The following GMPS variants were observed in gnomAD, a reference collection of about 807,000 sequenced individuals.
The protein encoded by GMPS is GMP synthase [glutamine-hydrolyzing].
A neutral mutation model predicts 77.9 loss-of-function variants in GMPS; 15 were observed. That is an observed-to-expected ratio of 0.19 (90% CI 0.13 to 0.30). The LOEUF is 0.30. Among genes scored for constraint, GMPS ranks in the 10% least tolerant of loss-of-function variants. The pLI, the probability that GMPS is intolerant of heterozygous loss-of-function variation, is 1.00. For synonymous variants in GMPS, 224 were observed against 275.9 expected (o/e 0.81, Z 1.86); for missense variants, 590 against 838.8 (o/e 0.70, Z 3.66).
chr3:155,903,845 A>AT lies in GMPS; in HGVS notation c.325-11dup. On this transcript the variant is annotated splice_polypyrimidine_tract_variant and intron_variant, in intron 3 of 15. Transcript: ENST00000496455. The stretch of plus-strand genomic sequence containing the variant: ...TTTCTTTTGATTTCTATTAACATTA[A>AT]TTTTTTTCTTTGAACAGATGATGAA... The AT allele has an allele frequency of 1.8e-6, 2 of 1,121,286 alleles. No individual in the cohort carries two copies. Among genetic ancestry groups the AT allele is most frequent in the South Asian group, 1.5e-5 (1 of 64,606 alleles). The allele number at this position is 1,121,286 out of a possible 1,614,324, so 69.5% of individuals were successfully genotyped here. A position where few individuals can be genotyped will look rare whatever the true frequency, so the allele number is the denominator to read the frequency against.
At chr3:155,933,707 ATTTAT>A (rs1755689096) in intron 13 of GMPS, among the ~76,000 whole-genome samples, 1 of 152,120 alleles carries the variant, frequency 6.6e-6, no homozygotes, top group African/African-American at 2.4e-5. Context: ...TTCCGGGGAG[ATTTAT>A]TTTCTTTGCT....
intron 13 of GMPS, 120 bp downstream of exon 13, chr3:155,932,000 A>C (rs921945937): frequency 7.8e-6 from 4 of 511,890 alleles, no homozygotes; most frequent in African/African-American, 5.8e-5. Context: ...CATGTAGATA[A>C]GAGTAAATGG....
In GMPS at chr3:155,911,161, A is replaced by G; in HGVS notation, c.768A>G (p.Leu256=). 7.4e-6 allele frequency: 12 copies of G among 1,613,124 alleles called. No homozygotes were observed. Among genetic ancestry groups the G allele is most frequent in the Non-Finnish European group, 1.0e-5 (12 of 1,179,188 alleles). ...ACTCAACAGTTTGTACAGCTTTGCT[A>G]AATCGTGCTTTGAACCAAGAACAAG... ...GVDSTVCTAL[L]NRALNQEQVI... is the part of the protein sequence containing the mutation. Residue 256 remains leucine (L), a synonymous_variant, in exon 7 of 16, where the codon CTA becomes CTG. Transcript: ENST00000496455.
intron 7 of GMPS, among the ~76,000 whole-genome samples, chr3:155,913,295 G>A (rs1429343486): frequency 1.3e-5 from 2 of 152,140 alleles, no homozygotes; most frequent in Non-Finnish European, 2.9e-5. Flanking sequence ...AGTTTTATTA[G>A]CAAATAGAGA....
In GMPS at chr3:155,941,758, G is replaced by A. The variant is rs1755897918; in HGVS notation, c.*4066G>A. 4.5e-6 allele frequency: 1 copy of A among 220,622 alleles called. No individual in the cohort carries two copies. The highest frequency in any genetic ancestry group is 9.1e-6 in the Non-Finnish European group (1 of 110,090). The allele number at this position is 220,622 out of a possible 1,614,324, so 13.7% of individuals were successfully genotyped here. A position where few individuals can be genotyped will look rare whatever the true frequency, so the allele number is the denominator to read the frequency against. On this transcript the variant is annotated 3_prime_UTR_variant, in exon 16 of 16. Transcript: ENST00000496455. Reference sequence around the variant, plus strand: ...TAGTTTAACACCACCAGATGATCAAGGGATCAGGGTATCTTTCTGGTATCT... The same window carrying A: ...TAGTTTAACACCACCAGATGATCAAAGGATCAGGGTATCTTTCTGGTATCT...
chr3:155,891,044 T>G (rs1754451145), intron 1 of GMPS, among the ~76,000 whole-genome samples: 1 of 152,254 alleles, frequency 6.6e-6, no homozygotes, highest in African/African-American at 2.4e-5. Flanking sequence ...GATTGGTCAC[T>G]GATCCTGATG....
intron 1 of GMPS, among the ~76,000 whole-genome samples, chr3:155,872,101 A>C (rs945663313): frequency 6.6e-6 from 1 of 152,138 alleles, no homozygotes; most frequent in African/African-American, 2.4e-5. Context: ...TTCGAGGTGG[A>C]TTTGGTGCTC....
intron 1 of GMPS, among the ~76,000 whole-genome samples, chr3:155,881,955 C>T (rs1360478288): frequency 3.9e-5 from 6 of 152,076 alleles, no homozygotes; most frequent in African/African-American, 1.4e-4. Context: ...GTGGTCCCAG[C>T]CACCTGGGAG....
chr3:155,926,328 C>T (rs1266677170), intron 12 of GMPS, among the ~76,000 whole-genome samples: 2 of 152,110 alleles, frequency 1.3e-5, no homozygotes, highest in African/African-American at 4.8e-5. Context: ...ATATGATCCT[C>T]AAATGAGTTT....
chr3:155,936,229 G>C lies in GMPS; in HGVS notation c.1808-109G>C. 4.3e-6 allele frequency: 3 copies of C among 697,920 alleles called. No homozygotes were observed. The South Asian group carries it at 5.2e-5, about 12-fold the overall frequency. The allele number at this position is 697,920 out of a possible 1,614,324, so 43.2% of individuals were successfully genotyped here. On this transcript the variant is annotated intron_variant, in intron 14 of 15. Transcript: ENST00000496455. ...AATGCATGATGACAGTCTTAACTAC[G>C]CTGTGTGTGTATATGTGATTTCAGA...
In GMPS at chr3:155,940,831, C is replaced by T. The variant is rs1235488506; in HGVS notation, c.*3139C>T. On this transcript the variant is annotated 3_prime_UTR_variant, in exon 16 of 16. Transcript: ENST00000496455. Reference sequence around the variant, plus strand: ...CACCGTAAAGTTAAATCCTAGTTACCTTTTTTTGAAGCTGTTGGCAAGGTT... The same window carrying T: ...CACCGTAAAGTTAAATCCTAGTTACTTTTTTTTGAAGCTGTTGGCAAGGTT... 1 of 213,070 alleles carries T rather than the reference C, an allele frequency of 4.7e-6. No individual in the cohort carries two copies. The highest frequency in any genetic ancestry group is 9.5e-6 in the Non-Finnish European group (1 of 105,818). 13.2% of individuals were successfully genotyped at this position (213,070 alleles called of 1,614,324 possible).
chr3:155,879,481 G>A (rs1754156120), intron 1 of GMPS, among the ~76,000 whole-genome samples: 1 of 151,674 alleles, frequency 6.6e-6, no homozygotes, highest in South Asian at 2.1e-4. Flanking sequence ...TGGTCAGGCT[G>A]GCCTCGAACT....
intron 2 of GMPS, among the ~76,000 whole-genome samples, chr3:155,896,652 C>T (rs1432247017): frequency 3.3e-5 from 5 of 150,548 alleles, no homozygotes; most frequent in African/African-American, 4.9e-5. Flanking sequence ...AGCTCCTGGG[C>T]TCAAGCAATC....
chr3:155,906,042 C>CTT (rs67122310), intron 4 of GMPS, 118 bp from the exon 5 acceptor site: 2,195 of 443,570 alleles, frequency 4.9e-3, no homozygotes, highest in South Asian at 7.9e-3. Context: ...TCCATTGTCA[C>CTT]TTTTTTTTTT....
At chr3:155,884,950 A>G (rs1754302306) in intron 1 of GMPS, among the ~76,000 whole-genome samples, 2 of 152,228 alleles carry the variant, frequency 1.3e-5, no homozygotes, top group African/African-American at 2.4e-5. Context: ...CCTTGTAGAT[A>G]GGGTAGAAGA....
At chr3:155,901,484 A>T (rs1754736022) in intron 3 of GMPS, among the ~76,000 whole-genome samples, 1 of 152,014 alleles carries the variant, frequency 6.6e-6, no homozygotes, top group Non-Finnish European at 1.5e-5. Context: ...TTCTGGTGTT[A>T]TACATACACA....
intron 7 of GMPS, among the ~76,000 whole-genome samples, chr3:155,911,682 A>C (rs1755041260): frequency 6.6e-6 from 1 of 151,944 alleles, no homozygotes; most frequent in Admixed American, 6.6e-5. Context: ...TACTAAAAAT[A>C]CAAAAAATTA....
intron 11 of GMPS, among the ~76,000 whole-genome samples, chr3:155,924,254 G>A (rs907652859): frequency 1.3e-5 from 2 of 152,194 alleles, no homozygotes; most frequent in African/African-American, 4.8e-5. Context: ...ATACAAGAAG[G>A]AATGCTAAGC....
rs1755926526 is a variant in GMPS at position 155,942,863 on chromosome 3, C to T, written c.*5171C>T. On this transcript the variant is annotated 3_prime_UTR_variant, in exon 16 of 16. Coordinates refer to ENST00000496455, the MANE Select transcript of GMPS (RefSeq NM_003875.3). ...CATTTGGGTATTATTCTTTAGAGAACTAGAGATTACCTAGCTGCAACCTAA... is the reference window on the plus strand; with the variant it reads ...CATTTGGGTATTATTCTTTAGAGAATTAGAGATTACCTAGCTGCAACCTAA... The T allele has an allele frequency of 4.8e-6, 1 of 208,152 alleles. No individual in the cohort carries two copies. Among genetic ancestry groups the T allele is most frequent in the East Asian group, 7.3e-5 (1 of 13,684 alleles). 12.9% of individuals were successfully genotyped at this position (208,152 alleles called of 1,614,324 possible).
Sources: gnomAD v4.1 joint callset for allele counts (sites outside exome capture counted in the v4.1 genomes callset) on GRCh38, gnomAD v4.1.1 for gene constraint, MANE v1.5 for transcripts, NCBI Gene and HGNC (gene_info 2026-07-23, HGNC 2026-07-21) for gene names.